HIBADH: variants seen among roughly 807,000 people sequenced by gnomAD.
The protein encoded by HIBADH is 3-hydroxyisobutyrate dehydrogenase.
In HIBADH, 25 loss-of-function variants were observed where a neutral mutation model predicts 36.1. The ratio of observed to expected loss-of-function variants is 0.69; its 90% CI spans 0.50 to 0.97. The LOEUF (loss-of-function observed/expected upper bound fraction) is 0.97, where lower values mean the gene tolerates loss of function less well. Ranked by LOEUF, HIBADH falls within the 50% of genes least tolerant of loss-of-function variation. The pLI, the probability that HIBADH is intolerant of heterozygous loss-of-function variation, is 0.00. For missense variants in HIBADH, 421 were observed against 418.0 expected (o/e 1.01, Z -0.06); for synonymous variants, 160 against 149.5 (o/e 1.07, Z -0.51).
chr7:27,645,988 G>A (rs1226221756), intron 2 of HIBADH, among the ~76,000 whole-genome samples: 1 of 151,968 alleles, frequency 6.6e-6, no homozygotes, highest in Non-Finnish European at 1.5e-5. Context: ...TCATTTTGTT[G>A]CTCATGCTCT....
At chr7:27,558,268 CTTAT>C (rs1206642442) in intron 4 of HIBADH, among the ~76,000 whole-genome samples, 2 of 152,082 alleles carry the variant, frequency 1.3e-5, no homozygotes, top group African/African-American at 2.4e-5. Flanking sequence ...CATTTCTCTT[CTTAT>C]TTAAATAGAT....
intron 4 of HIBADH, among the ~76,000 whole-genome samples, chr7:27,562,446 A>G (rs1784482097): frequency 3.9e-5 from 6 of 152,206 alleles, no homozygotes; most frequent in Admixed American, 3.9e-4. Flanking sequence ...ACCCAATCTT[A>G]TAGACCATTT....
intron 4 of HIBADH, among the ~76,000 whole-genome samples, chr7:27,608,217 C>A (rs1583594602): frequency 6.6e-6 from 1 of 152,152 alleles, no homozygotes; most frequent in African/African-American, 2.4e-5. Flanking sequence ...TCTTTCCTAT[C>A]CCTGTAGGTA....
chr7:27,564,458 C>T (rs1363337290), intron 4 of HIBADH, among the ~76,000 whole-genome samples: 1 of 152,150 alleles, frequency 6.6e-6, no homozygotes, highest in Non-Finnish European at 1.5e-5. Flanking sequence ...TGCCTTTGCA[C>T]ATTTGTCAAA....
chr7:27,535,766 TAAC>T (rs1357847535), intron 6 of HIBADH, among the ~76,000 whole-genome samples: 1 of 151,918 alleles, frequency 6.6e-6, no homozygotes, highest in Admixed American at 6.6e-5. Flanking sequence ...TTTTTTTTTT[TAAC>T]AACATTTAAA....
chr7:27,622,814 C>A (rs1221381544), intron 4 of HIBADH, among the ~76,000 whole-genome samples: 1 of 152,140 alleles, frequency 6.6e-6, no homozygotes, highest in East Asian at 1.9e-4. Context: ...AGTCCAGGAC[C>A]AGACAAACTG....
intron 2 of HIBADH, among the ~76,000 whole-genome samples, chr7:27,644,675 G>T (rs1477563612): frequency 6.6e-6 from 1 of 150,732 alleles, no homozygotes; most frequent in Non-Finnish European, 1.5e-5. Flanking sequence ...TGAGGCAGAA[G>T]AATCACTCGA....
At chr7:27,642,441 T>C (rs192466524) in intron 2 of HIBADH, among the ~76,000 whole-genome samples, 197 of 152,228 alleles carry the variant, frequency 1.3e-3, no homozygotes, top group East Asian at 5.8e-4. Flanking sequence ...CCTCGTCACA[T>C]CCAACTCAAC....
At chr7:27,577,605 T>C (rs1784731498) in intron 4 of HIBADH, among the ~76,000 whole-genome samples, 1 of 152,202 alleles carries the variant, frequency 6.6e-6, no homozygotes, top group Admixed American at 6.5e-5. Context: ...GGTACACTCA[T>C]TATGAAAACA....
intron 2 of HIBADH, among the ~76,000 whole-genome samples, chr7:27,633,600 G>A (rs967649287): frequency 2.6e-5 from 4 of 151,966 alleles, no homozygotes; most frequent in Non-Finnish European, 4.4e-5. Context: ...TGGAGGTTAC[G>A]GTGAGCTATG....
At chr7:27,609,633 TTAATTA>T (rs1785290591) in intron 4 of HIBADH, among the ~76,000 whole-genome samples, 1 of 152,154 alleles carries the variant, frequency 6.6e-6, no homozygotes, top group African/African-American at 2.4e-5. Context: ...AAGGTATACT[TTAATTA>T]TAAGAGTTAC....
chr7:27,540,481 T>A (rs565776727), intron 5 of HIBADH, among the ~76,000 whole-genome samples: 2 of 152,344 alleles, frequency 1.3e-5, no homozygotes, highest in South Asian at 4.1e-4. Flanking sequence ...TTTCCTTGAT[T>A]GGCCCTGCCA....
intron 4 of HIBADH, among the ~76,000 whole-genome samples, chr7:27,565,282 C>T (rs1784529614): frequency 6.6e-6 from 1 of 152,148 alleles, no homozygotes; most frequent in South Asian, 2.1e-4. Context: ...CTCTTGCCCA[C>T]GTTTTCCTTC....
intron 7 of HIBADH, among the ~76,000 whole-genome samples, chr7:27,530,440 C>G (rs764650201): frequency 2.1e-4 from 32 of 152,204 alleles, no homozygotes; most frequent in Middle Eastern, 3.4e-3. Flanking sequence ...CTCCTGACCT[C>G]AGGTGATCTG....
intron 4 of HIBADH, among the ~76,000 whole-genome samples, chr7:27,551,166 TGTG>T (rs150151899): frequency 0.17 from 26,197 of 152,048 alleles, 2,768 homozygotes; most frequent in East Asian, 0.43. Flanking sequence ...ATTCTTTACA[TGTG>T]GTAATGGCAT....
Position 27,525,995 on chromosome 7 carries a change from C to A in HIBADH, c.*219G>T. The A allele has an allele frequency of 3.0e-6, 1 of 332,714 alleles. No individual in the cohort carries two copies. The highest frequency in any genetic ancestry group is 5.4e-6 in the Non-Finnish European group (1 of 184,922). The allele number at this position is 332,714 out of a possible 1,614,324, so 20.6% of individuals were successfully genotyped here. On this transcript the variant is annotated 3_prime_UTR_variant, in exon 8 of 8. Transcript: ENST00000265395. ...TAAAAAGGTCAATTAAGCTAGTTAG[C>A]AGAGACTATCAGTGGCTTGCAGAAA...
chr7:27,549,467 C>A (rs563713083), intron 4 of HIBADH, among the ~76,000 whole-genome samples: 2 of 152,234 alleles, frequency 1.3e-5, no homozygotes, highest in East Asian at 3.9e-4. Flanking sequence ...ACCATAGTAT[C>A]TCACAACAAA....
At chr7:27,562,315 A>C (rs1784479864) in intron 4 of HIBADH, among the ~76,000 whole-genome samples, 6 of 152,204 alleles carry the variant, frequency 3.9e-5, no homozygotes, top group Admixed American at 3.9e-4. Flanking sequence ...CATAGAACAG[A>C]AGACCTTTAG....
chr7:27,575,004 T>C (rs988498782), intron 4 of HIBADH, among the ~76,000 whole-genome samples: 1 of 152,188 alleles, frequency 6.6e-6, no homozygotes, highest in Non-Finnish European at 1.5e-5. Context: ...GCTCAACTTA[T>C]TGGACAAAGG....
Sources: allele counts gnomAD v4.1 joint callset (sites outside exome capture counted in the v4.1 genomes callset), GRCh38; gene constraint gnomAD v4.1.1; transcripts MANE v1.5; gene names NCBI Gene and HGNC (gene_info 2026-07-23, HGNC 2026-07-21).